Variants in CNOT4 observed in about 807,000 individuals in gnomAD.
CNOT4 encodes CCR4-NOT transcription complex subunit 4.
Under a neutral mutation model 73.8 loss-of-function variants are expected in CNOT4, and 8 were observed. That is an observed-to-expected ratio of 0.11 (90% CI 0.06 to 0.20). The LOEUF (loss-of-function observed/expected upper bound fraction) is 0.20, where lower values mean the gene tolerates loss of function less well. CNOT4 is among the 10% of genes least tolerant of loss of function. The pLI, the probability that CNOT4 is intolerant of heterozygous loss-of-function variation, is 1.00. For missense variants in CNOT4, 564 were observed against 883.4 expected (o/e 0.64, Z 4.58); for synonymous variants, 293 against 321.1 (o/e 0.91, Z 0.94).
At chr7:135,375,313 C>T (rs2129482698) in intron 10 of CNOT4, among the ~76,000 whole-genome samples, 1 of 152,260 alleles carries the variant, frequency 6.6e-6, no homozygotes, top group African/African-American at 2.4e-5. Flanking sequence ...GATCTACATC[C>T]AGAAGTTAAC....
At chr7:135,408,005 T>C (rs556266136) in intron 7 of CNOT4, among the ~76,000 whole-genome samples, 12 of 152,306 alleles carry the variant, frequency 7.9e-5, no homozygotes, top group African/African-American at 2.9e-4. Context: ...GTTCACTCTG[T>C]TAATCAAATA....
At position 135,453,826 on chromosome 7, in the gene CNOT4, T is replaced by TTATATATATATATATA. The variant is rs55732572; in HGVS notation, c.-92-15419_-92-15404dup. ...AATATATATAATAAATATATATATT[T>TTATATATATATATATA]TATATATATATATATATATATTATA... is the stretch of plus-strand genomic sequence containing the variant. On this transcript the variant is annotated intron_variant, in intron 1 of 11. Transcript: ENST00000541284. 3.2e-3 allele frequency among the ~76,000 whole-genome samples: 289 copies of TTATATATATATATATA among 89,860 alleles called. 3 individuals carry two copies. Among genetic ancestry groups the TTATATATATATATATA allele is most frequent in the Middle Eastern group, 0.019 (4 of 210 alleles). The allele number at this position is 89,860 out of a possible 152,430, so 59.0% of individuals were successfully genotyped here. A position where few individuals can be genotyped will look rare whatever the true frequency, so the allele number is the denominator to read the frequency against.
chr7:135,421,675 A>G (rs776857969), intron 3 of CNOT4, among the ~76,000 whole-genome samples: 2 of 152,220 alleles, frequency 1.3e-5, no homozygotes, highest in African/African-American at 2.4e-5. Context: ...CTTAAAATGA[A>G]TAAGAATGAT....
intron 1 of CNOT4, among the ~76,000 whole-genome samples, chr7:135,463,782 C>T (rs1429860344): frequency 1.3e-5 from 2 of 151,774 alleles, no homozygotes; most frequent in Non-Finnish European, 2.9e-5. Context: ...GGAAACTATG[C>T]ATCTGACAAA....
At chr7:135,495,797 T>C (rs1031476281) in intron 1 of CNOT4, among the ~76,000 whole-genome samples, 2 of 146,318 alleles carry the variant, frequency 1.4e-5, no homozygotes, top group African/African-American at 5.1e-5. Context: ...GTGGGAGCAA[T>C]AGCTCATATC....
chr7:135,497,864 G>T (rs1165392394), intron 1 of CNOT4, among the ~76,000 whole-genome samples: 1 of 152,104 alleles, frequency 6.6e-6, no homozygotes, highest in East Asian at 1.9e-4. Context: ...GAAAATATAT[G>T]TTTAGTACTT....
Position 135,363,058 on chromosome 7 carries a change from T to G in CNOT4, c.1969A>C (p.Ser657Arg). 2 of 1,613,732 alleles carry G rather than the reference T, an allele frequency of 1.2e-6. No individual in the cohort carries two copies. The highest frequency in any genetic ancestry group is 1.7e-6 in the Non-Finnish European group (2 of 1,179,952). Residue 657 changes from serine to arginine, a missense_variant, in exon 12 of 12, where the codon AGC (serine) becomes CGC (arginine). Around this residue, in one of 10 missense-constraint regions of CNOT4, gnomAD observed 88 missense variants for 94.7 expected, o/e 0.93. Coordinates refer to ENST00000541284, the MANE Select transcript of CNOT4 (RefSeq NM_001190850.2). The surrounding 1 kb of genome is among the most constrained non-coding windows in gnomAD (Gnocchi z 4.3). ...PSAAPSQTHH[S>R]APFSTQIPLH... ...GGGATCTGTGTGCTGAAGGGGGCGCTGTGGTGGGTCTGTGATGGAGCAGCG... is the reference window on the plus strand; with the variant it reads ...GGGATCTGTGTGCTGAAGGGGGCGCGGTGGTGGGTCTGTGATGGAGCAGCG...
At chr7:135,443,530 C>T (rs1303770597) in intron 1 of CNOT4, among the ~76,000 whole-genome samples, 2 of 152,162 alleles carry the variant, frequency 1.3e-5, no homozygotes, top group East Asian at 1.9e-4. Flanking sequence ...ACAGAAGTCA[C>T]GATTACTGAT....
At chr7:135,410,721 GA>G in intron 6 of CNOT4, 73 bp from the exon 7 acceptor site, 1 of 934,084 alleles carries the variant, frequency 1.1e-6, no homozygotes, top group Admixed American at 3.1e-5. Context: ...ATAATCTTCT[GA>G]ATTATTAAAT....
intron 7 of CNOT4, among the ~76,000 whole-genome samples, chr7:135,401,697 G>A (rs1797010235): frequency 6.6e-6 from 1 of 152,134 alleles, no homozygotes; most frequent in Admixed American, 6.5e-5. Flanking sequence ...CTCAAGGATA[G>A]AAACAAAGAA....
At chr7:135,432,418 T>C (rs1798903280) in intron 2 of CNOT4, among the ~76,000 whole-genome samples, 1 of 152,240 alleles carries the variant, frequency 6.6e-6, no homozygotes, top group South Asian at 2.1e-4. Flanking sequence ...TCTGATTATA[T>C]TTTTAGGTGT....
intron 1 of CNOT4, among the ~76,000 whole-genome samples, chr7:135,475,651 T>C (rs901179326): frequency 1.3e-5 from 2 of 152,250 alleles, no homozygotes; most frequent in South Asian, 2.1e-4. Flanking sequence ...GGCTCTCACC[T>C]GTAATCCCAG....
chr7:135,433,086 C>G (rs993402159), intron 2 of CNOT4, among the ~76,000 whole-genome samples: 4 of 152,068 alleles, frequency 2.6e-5, no homozygotes, highest in African/African-American at 9.7e-5. Flanking sequence ...GATTACTTCC[C>G]CTCTGTATCA....
At chr7:135,487,099 A>T (rs993122728) in intron 1 of CNOT4, among the ~76,000 whole-genome samples, 1 of 151,602 alleles carries the variant, frequency 6.6e-6, no homozygotes, top group Non-Finnish European at 1.5e-5. Flanking sequence ...TCTACCCTAG[A>T]TATCTTTTGC....
At chr7:135,431,606 G>T (rs930256260) in intron 2 of CNOT4, among the ~76,000 whole-genome samples, 4 of 151,986 alleles carry the variant, frequency 2.6e-5, no homozygotes, top group Non-Finnish European at 4.4e-5. Context: ...AGCCAGGTGT[G>T]GTGGCACACG....
chr7:135,389,811 A>C (rs1796310665), intron 10 of CNOT4, among the ~76,000 whole-genome samples: 1 of 152,192 alleles, frequency 6.6e-6, no homozygotes, highest in Non-Finnish European at 1.5e-5. Flanking sequence ...AACTTGGCAG[A>C]ATATTTTTTT....
intron 7 of CNOT4, among the ~76,000 whole-genome samples, chr7:135,402,032 TCATA>T (rs1403172224): frequency 6.6e-6 from 1 of 151,484 alleles, no homozygotes; most frequent in African/African-American, 2.5e-5. Flanking sequence ...ACATGTATTT[TCATA>T]CAAACGATCT....
At chr7:135,402,389 G>A (rs73158931) in intron 7 of CNOT4, among the ~76,000 whole-genome samples, 2,151 of 152,234 alleles carry the variant, frequency 0.014, 26 homozygotes, top group Middle Eastern at 0.024. Flanking sequence ...GGATTCAGGC[G>A]TGAGCCACGG....
At chr7:135,453,810 AATAAATATATATATTTTATATAT>A (rs1800328697) in intron 1 of CNOT4, among the ~76,000 whole-genome samples, 1 of 115,358 alleles carries the variant, frequency 8.7e-6, no homozygotes, top group South Asian at 2.5e-4. Context: ...AAATATATAT[AATAAATATATATATTTTATATAT>A]ATATATATAT....
Sources: gnomAD v4.1 joint callset for allele counts (sites outside exome capture counted in the v4.1 genomes callset) on GRCh38, gnomAD v4.1.1 for gene constraint, gnomAD v4.1.1 regional missense constraint, Gnocchi (gnomAD v3.1) non-coding constraint, MANE v1.5 for transcripts, NCBI Gene and HGNC (gene_info 2026-07-23, HGNC 2026-07-21) for gene names.